The following AFG1L variants were observed in gnomAD, a reference collection of about 807,000 sequenced individuals.
AFG1L encodes the protein AFG1-like ATPase.
In AFG1L, 53 loss-of-function variants were observed where a neutral mutation model predicts 62.2. The observed-to-expected ratio is 0.85, with a 90% confidence interval of 0.68 to 1.07. The LOEUF is 1.07. AFG1L is among the 50% of genes least tolerant of loss of function. AFG1L has a pLI of 0.00. For missense variants in AFG1L, 555 were observed against 590.5 expected (o/e 0.94, Z 0.62); for synonymous variants, 228 against 210.3 (o/e 1.08, Z -0.73).
intron 6 of AFG1L, among the ~76,000 whole-genome samples, chr6:108,396,474 T>C (rs1248631082): frequency 6.6e-6 from 1 of 151,948 alleles, no homozygotes; most frequent in Non-Finnish European, 1.5e-5. Flanking sequence ...ACATAGTGGG[T>C]ATATATCTTT....
intron 6 of AFG1L, among the ~76,000 whole-genome samples, chr6:108,381,921 G>A (rs1318517272): frequency 1.3e-5 from 2 of 151,666 alleles, no homozygotes; most frequent in Non-Finnish European, 2.9e-5. Context: ...AACAGAAGGT[G>A]CTAAAAATGT....
chr6:108,479,452 T>C (rs1337162576), intron 10 of AFG1L, among the ~76,000 whole-genome samples: 15 of 152,216 alleles, frequency 9.9e-5, no homozygotes, highest in Non-Finnish European at 2.1e-4. Flanking sequence ...ACACAAGCAC[T>C]GAATGACCTG....
chr6:108,436,833 G>C (rs1361164748), intron 7 of AFG1L, among the ~76,000 whole-genome samples: 1 of 152,166 alleles, frequency 6.6e-6, no homozygotes, highest in African/African-American at 2.4e-5. Flanking sequence ...TCATAGAGTG[G>C]TTGAAAGAAT....
intron 4 of AFG1L, 82 bp downstream of exon 4, chr6:108,355,837 C>A: frequency 1.1e-6 from 1 of 930,188 alleles, no homozygotes. Flanking sequence ...AACATATACT[C>A]TTTAAAAATT....
chr6:108,350,151 G>A (rs576944109), intron 3 of AFG1L, among the ~76,000 whole-genome samples: 61 of 151,750 alleles, frequency 4.0e-4, no homozygotes, highest in African/African-American at 1.3e-3. Context: ...AGCCGAGATC[G>A]CACCACTGCA....
At chr6:108,372,103 G>A (rs1202957200) in intron 6 of AFG1L, among the ~76,000 whole-genome samples, 1 of 151,110 alleles carries the variant, frequency 6.6e-6, no homozygotes, top group Non-Finnish European at 1.5e-5. Flanking sequence ...GTACTATTAT[G>A]TATGTATATA....
chr6:108,300,348 C>T (rs367652381), intron 1 of AFG1L, among the ~76,000 whole-genome samples: 17 of 152,236 alleles, frequency 1.1e-4, no homozygotes, highest in Non-Finnish European at 2.1e-4. Context: ...GACAGGGTTT[C>T]GCCATGTTGG....
chr6:108,366,429 A>T (rs1454463594), intron 6 of AFG1L, 97 bp downstream of exon 6: 4 of 630,726 alleles, frequency 6.3e-6, no homozygotes, highest in Non-Finnish European at 1.0e-5. Context: ...GTGTTAATAA[A>T]TCTGATGACT....
At chr6:108,447,116 A>C in intron 7 of AFG1L, 98 bp from the exon 8 acceptor site, 1 of 505,448 alleles carries the variant, frequency 2.0e-6, no homozygotes, top group Non-Finnish European at 3.6e-6. Flanking sequence ...TTTTTGAGCA[A>C]ACATTTGAAA....
At chr6:108,517,706 G>A (rs1290151429) in intron 11 of AFG1L, among the ~76,000 whole-genome samples, 2 of 152,178 alleles carry the variant, frequency 1.3e-5, no homozygotes, top group African/African-American at 4.8e-5. Flanking sequence ...TACCATCAGA[G>A]TGAACAGGCA....
intron 10 of AFG1L, among the ~76,000 whole-genome samples, chr6:108,483,762 A>G (rs992483017): frequency 3.3e-5 from 5 of 152,162 alleles, no homozygotes; most frequent in African/African-American, 9.7e-5. Context: ...CTCACTATCA[A>G]CTTCTTGTTT....
At chr6:108,328,875 A>G (rs750234036) in intron 2 of AFG1L, among the ~76,000 whole-genome samples, 1 of 152,134 alleles carries the variant, frequency 6.6e-6, no homozygotes, top group Non-Finnish European at 1.5e-5. Context: ...GTTGGCTATG[A>G]TGGGCCAGCT....
chr6:108,503,678 A>T (rs987349551), intron 10 of AFG1L, among the ~76,000 whole-genome samples: 1 of 152,230 alleles, frequency 6.6e-6, no homozygotes, highest in Non-Finnish European at 1.5e-5. Context: ...CACCAGCTGC[A>T]TTAGCCCCTA....
intron 6 of AFG1L, 70 bp from the exon 7 acceptor site, chr6:108,401,926 C>A: frequency 1.4e-6 from 1 of 698,614 alleles, no homozygotes; most frequent in Non-Finnish European, 2.4e-6. Flanking sequence ...GCTTTATTTG[C>A]CAGGCTAAAC....
At chr6:108,298,207 G>T (rs1230003897) in intron 1 of AFG1L, among the ~76,000 whole-genome samples, 1 of 151,122 alleles carries the variant, frequency 6.6e-6, no homozygotes, top group Non-Finnish European at 1.5e-5. Flanking sequence ...AAGCCTGTTT[G>T]AAGTGTTATA....
chr6:108,445,695 T>TATAGCAGTCAGAATGCAAACAGC lies in AFG1L; in HGVS notation c.808-1516_808-1494dup, dbSNP rs142556639. Among the ~76,000 whole-genome samples, 308 of 147,658 alleles carry TATAGCAGTCAGAATGCAAACAGC rather than the reference T, an allele frequency of 2.1e-3. 8 individuals are homozygous for TATAGCAGTCAGAATGCAAACAGC. The East Asian group carries it at 0.057, about 27-fold the overall frequency. On this transcript the variant is annotated intron_variant, in intron 7 of 12. Coordinates refer to ENST00000368977, the MANE Select transcript of AFG1L (RefSeq NM_145315.5). ...GAGAGAGAGAGAAACAGCCAGTTGG[T>TATAGCAGTCAGAATGCAAACAGC]ATAGCAGTCAGAATGCAAACAGCAT...
intron 7 of AFG1L, among the ~76,000 whole-genome samples, chr6:108,442,360 A>G (rs1439458544): frequency 6.6e-6 from 1 of 152,120 alleles, no homozygotes; most frequent in African/African-American, 2.4e-5. Flanking sequence ...TAGTATATAT[A>G]TAAAACACAG....
chr6:108,492,521 CTTA>C (rs1287321346), intron 10 of AFG1L, among the ~76,000 whole-genome samples: 2 of 152,162 alleles, frequency 1.3e-5, no homozygotes, highest in African/African-American at 2.4e-5. Flanking sequence ...GCCACATTCA[CTTA>C]TTATGTTCTG....
chr6:108,400,971 C>A (rs1781575800), intron 6 of AFG1L, among the ~76,000 whole-genome samples: 1 of 147,866 alleles, frequency 6.8e-6, no homozygotes, highest in Admixed American at 6.9e-5. Context: ...ATGTTTAATT[C>A]TTTTTTTCTT....
Sources: gnomAD v4.1 joint callset for allele counts (sites outside exome capture counted in the v4.1 genomes callset) on GRCh38, gnomAD v4.1.1 for gene constraint, MANE v1.5 for transcripts, NCBI Gene and HGNC (gene_info 2026-07-23, HGNC 2026-07-21) for gene names.